KAZN: variants seen among roughly 807,000 people sequenced by gnomAD.
The protein encoded by KAZN is kazrin.
Under a neutral mutation model 87.4 loss-of-function variants are expected in KAZN, and 40 were observed. That is an observed-to-expected ratio of 0.46 (90% CI 0.36 to 0.60). KAZN has a LOEUF of 0.60. KAZN is among the 20% of genes least tolerant of loss of function. KAZN has a pLI of 0.00. For missense variants in KAZN, 898 were observed against 1,073.9 expected (o/e 0.84, Z 2.29); for synonymous variants, 466 against 458.3 (o/e 1.02, Z -0.22).
intron 1 of KAZN, among the ~76,000 whole-genome samples, chr1:14,726,400 G>A (rs1176230530): frequency 6.6e-6 from 1 of 152,232 alleles, no homozygotes; most frequent in East Asian, 1.9e-4. Flanking sequence ...CGTCCCCTGG[G>A]AGACGCGTTC....
intron 2 of KAZN, among the ~76,000 whole-genome samples, chr1:14,589,496 T>C (rs901988710): frequency 6.6e-6 from 1 of 152,244 alleles, no homozygotes; most frequent in African/African-American, 2.4e-5. Context: ...TTAGGGCAGA[T>C]GGCTGCAGGA....
Position 14,436,109 on chromosome 1 carries a change from A to G in KAZN, c.250-162874A>G, listed in dbSNP as rs185458637. ...CCGGGTGTGGTGGCGGGCGCCTGTA[A>G]TCCCAGCTACTTGGGAGGCTGAGGC... On this transcript the variant is annotated intron_variant, in intron 2 of 16. Transcript: ENST00000636203. Among the ~76,000 whole-genome samples the G allele has an allele frequency of 3.5e-4, 53 of 152,184 alleles. No homozygotes were observed. In the East Asian group the frequency reaches 8.0e-3, roughly 23 times the overall value.
At chr1:14,805,194 C>G (rs1007036760) in intron 1 of KAZN, among the ~76,000 whole-genome samples, 1 of 152,104 alleles carries the variant, frequency 6.6e-6, no homozygotes, top group Admixed American at 6.5e-5. Flanking sequence ...CTGTGAGAGT[C>G]CAGAGGAGGT....
intron 2 of KAZN, among the ~76,000 whole-genome samples, chr1:14,543,040 CTG>C (rs1032904550): frequency 6.6e-6 from 1 of 152,136 alleles, no homozygotes; most frequent in African/African-American, 2.4e-5. Context: ...ATGTTATTGG[CTG>C]GCCAATAGCA....
chr1:14,223,001 C>A (rs2100507666), intron 2 of KAZN: 1 of 152,192 alleles, frequency 6.6e-6, no homozygotes, highest in East Asian at 1.9e-4. Flanking sequence ...TAGTAGGAGA[C>A]TATAAAAATA....
rs1209828724 is a variant in KAZN at position 15,077,994 on chromosome 1, T to G, written c.1222+12241T>G. Among the ~76,000 whole-genome samples the G allele has an allele frequency of 1.3e-5, 2 of 152,194 alleles. No individual in the cohort carries two copies. Among genetic ancestry groups the G allele is most frequent in the African/African-American group, 2.4e-5 (1 of 41,438 alleles). ...TTTCCTATATGCCAGGTTTAGGGCT[T>G]AGGGCTGAGGATGCAGATGTGGATG... On this transcript the variant is annotated intron_variant, in intron 8 of 14. Coordinates refer to ENST00000376030, the MANE Select transcript of KAZN (RefSeq NM_201628.3). This position sits in a 1 kb window ranked among gnomAD's most constrained non-coding sequence, Gnocchi z 4.8.
At chr1:14,992,693 G>C (rs1667466940) in intron 2 of KAZN, among the ~76,000 whole-genome samples, 3 of 152,108 alleles carry the variant, frequency 2.0e-5, no homozygotes, top group Admixed American at 6.5e-5. Flanking sequence ...GCCCAGGCTG[G>C]AGTGCAGCAG....
At chr1:15,063,212 A>G (rs1638944155) in intron 6 of KAZN, 1 of 244,990 alleles carries the variant, frequency 4.1e-6, no homozygotes, top group African/African-American at 2.2e-5. Flanking sequence ...ATAAAAGTAC[A>G]TTTCTTTATG....
chr1:14,732,431 G>T (rs1304069017), intron 1 of KAZN, among the ~76,000 whole-genome samples: 1 of 152,152 alleles, frequency 6.6e-6, no homozygotes, highest in Non-Finnish European at 1.5e-5. Flanking sequence ...TTGAGCTCAG[G>T]AGTTCAAGAC....
At chr1:13,981,259 A>T (rs1638694006) in intron 1 of KAZN, among the ~76,000 whole-genome samples, 1 of 147,494 alleles carries the variant, frequency 6.8e-6, no homozygotes, top group South Asian at 2.1e-4. Context: ...TTAATTTAAA[A>T]TATTAAATTA....
At chr1:15,042,087 A>G (rs1033041027) in intron 3 of KAZN, among the ~76,000 whole-genome samples, 4 of 152,178 alleles carry the variant, frequency 2.6e-5, no homozygotes, top group Non-Finnish European at 1.5e-5. Flanking sequence ...GAAAGCACCT[A>G]CAGGCCTTCC....
chr1:15,096,629 C>A lies in KAZN; in HGVS notation c.1547+1696C>A, dbSNP rs1176012407. ...TCTCACAGTTCTGGAGGCTGGAAGT[C>A]CAAGATCGGGATGCCAGCATGGTTG... On this transcript the variant is annotated intron_variant, in intron 10 of 14. Transcript: ENST00000376030. The surrounding 1 kb of genome is among the most constrained non-coding windows in gnomAD (Gnocchi z 4.5). Among the ~76,000 whole-genome samples the A allele has an allele frequency of 6.6e-6, 1 of 152,188 alleles. No homozygotes were observed. The highest frequency in any genetic ancestry group is 1.5e-5 in the Non-Finnish European group (1 of 68,040).
rs140642914 is a variant in KAZN at position 14,311,477 on chromosome 1, G to T, written c.249+130885G>T. Among the ~76,000 whole-genome samples the T allele has an allele frequency of 5.1e-3, 777 of 152,228 alleles. 9 individuals carry two copies. Among genetic ancestry groups the T allele is most frequent in the African/African-American group, 0.018 (741 of 41,542 alleles). Reference sequence around the variant, plus strand: ...CCATTAAGACAGTGGACCTTACGGGGCTATAGAGATTTAGAGAAGATGGAT... The same window carrying T: ...CCATTAAGACAGTGGACCTTACGGGTCTATAGAGATTTAGAGAAGATGGAT... On this transcript the variant is annotated intron_variant, in intron 2 of 16. Coordinates refer to the KAZN transcript ENST00000636203.
chr1:14,040,225 A>G (rs1641753315), intron 1 of KAZN, among the ~76,000 whole-genome samples: 1 of 152,162 alleles, frequency 6.6e-6, no homozygotes, highest in Non-Finnish European at 1.5e-5. Flanking sequence ...TGAGCACCCT[A>G]AAATAGCATT....
chr1:14,294,114 G>A (rs1187367702), intron 2 of KAZN, among the ~76,000 whole-genome samples: 4 of 152,130 alleles, frequency 2.6e-5, no homozygotes, highest in African/African-American at 9.7e-5. Context: ...GAGCGAACTT[G>A]GCCACGGTCA....
At chr1:14,683,216 G>C (rs958285919) in intron 1 of KAZN, among the ~76,000 whole-genome samples, 11 of 152,174 alleles carry the variant, frequency 7.2e-5, no homozygotes, top group Non-Finnish European at 1.2e-4. Context: ...AACAGGCGGA[G>C]TTAATTGCCT....
At chr1:13,916,406 G>T (rs1639853079) in intron 1 of KAZN, among the ~76,000 whole-genome samples, 1 of 152,124 alleles carries the variant, frequency 6.6e-6, no homozygotes, top group South Asian at 2.1e-4. Context: ...GGAGAGAGGG[G>T]CTGTGTCTTA....
chr1:14,686,373 C>G lies in KAZN; in HGVS notation c.226+87150C>G, dbSNP rs541451610. On this transcript the variant is annotated intron_variant, in intron 1 of 14. Coordinates refer to ENST00000376030, the MANE Select transcript of KAZN (RefSeq NM_201628.3). The stretch of plus-strand genomic sequence containing the variant: ...CCACCACGCCCAGCCCAGTCTGCCA[C>G]TCTTGAAGATCGTACTGGAATTTCT... 2.0e-5 allele frequency among the ~76,000 whole-genome samples: 3 copies of G among 152,336 alleles called. No homozygotes were observed. In the East Asian group the frequency reaches 5.8e-4, roughly 29 times the overall value.
chr1:14,877,743 G>C (rs531115918), intron 1 of KAZN, among the ~76,000 whole-genome samples: 1 of 152,328 alleles, frequency 6.6e-6, no homozygotes, highest in African/African-American at 2.4e-5. Flanking sequence ...GGGGCAAAAT[G>C]AGTGAATATG....
Sources: allele counts gnomAD v4.1 joint callset (sites outside exome capture counted in the v4.1 genomes callset), GRCh38; gene constraint gnomAD v4.1.1; non-coding constraint Gnocchi (gnomAD v3.1); transcripts MANE v1.5; gene names NCBI Gene and HGNC (gene_info 2026-07-23, HGNC 2026-07-21).